RIMS2: variants seen among roughly 807,000 people sequenced by gnomAD.
RIMS2 encodes regulating synaptic membrane exocytosis 2.
In RIMS2, 59 loss-of-function variants were observed where a neutral mutation model predicts 174.4. The ratio of observed to expected loss-of-function variants is 0.34; its 90% CI spans 0.27 to 0.42. The LOEUF (loss-of-function observed/expected upper bound fraction) is 0.42. Ranked by LOEUF, RIMS2 falls within the 10% of genes least tolerant of loss-of-function variation. The probability of loss-of-function intolerance (pLI) is 1.00; values close to 1 mark genes in which losing one functional copy is unlikely to be tolerated. For missense variants in RIMS2, 1,620 were observed against 1,666.3 expected (o/e 0.97, Z 0.48); for synonymous variants, 606 against 572.5 (o/e 1.06, Z -0.84).
chr8:103,522,877 A>G (rs1252903224), intron 1 of RIMS2, among the ~76,000 whole-genome samples: 1 of 152,134 alleles, frequency 6.6e-6, no homozygotes, highest in Non-Finnish European at 1.5e-5. Context: ...TGAGTTTAGC[A>G]CAGTGCCTGA....
At chr8:103,901,812 T>A (rs1320969396) in intron 4 of RIMS2, among the ~76,000 whole-genome samples, 1 of 152,234 alleles carries the variant, frequency 6.6e-6, no homozygotes, top group Non-Finnish European at 1.5e-5. Flanking sequence ...CCAGCCATGC[T>A]TTTGTATTGG....
Position 103,534,610 on chromosome 8 carries a change from AC to A in RIMS2, c.176+33549del, listed in dbSNP as rs1372747921. Among the ~76,000 whole-genome samples the A allele has an allele frequency of 4.9e-5, 7 of 142,592 alleles. No homozygotes were observed. In the East Asian group the frequency reaches 1.2e-3, roughly 24 times the overall value. 93.5% of individuals were successfully genotyped at this position (142,592 alleles called of 152,430 possible). On this transcript the variant is annotated intron_variant, in intron 1 of 23. Transcript: ENST00000504942. ...CAAAAATATATTACTAAAATGAAAT[AC>A]ATAAAATCATATTACAGATCAGCAT...
intron 3 of RIMS2, among the ~76,000 whole-genome samples, chr8:103,811,041 C>T (rs1362869124): frequency 6.6e-6 from 1 of 152,130 alleles, no homozygotes; most frequent in East Asian, 1.9e-4. Context: ...GCAGAGGTGA[C>T]TTGCAGAGGC....
chr8:104,080,983 G>A (rs1478576028), intron 19 of RIMS2, among the ~76,000 whole-genome samples: 4 of 151,916 alleles, frequency 2.6e-5, no homozygotes, highest in African/African-American at 9.7e-5. Context: ...CTAGCACATG[G>A]GAATGTCCAT....
chr8:103,877,331 G>T (rs774559436), intron 3 of RIMS2, among the ~76,000 whole-genome samples: 2 of 151,738 alleles, frequency 1.3e-5, no homozygotes, highest in African/African-American at 4.8e-5. Context: ...ATGTCTGTTG[G>T]CCATTTGTAT....
At chr8:104,152,854 TAA>T (rs2098698307) in intron 19 of RIMS2, among the ~76,000 whole-genome samples, 1 of 152,136 alleles carries the variant, frequency 6.6e-6, no homozygotes, top group African/African-American at 2.4e-5. Flanking sequence ...GTAATTAAGT[TAA>T]AGAGTCATCA....
At chr8:103,873,901 A>C (rs979663893) in intron 3 of RIMS2, among the ~76,000 whole-genome samples, 1 of 152,062 alleles carries the variant, frequency 6.6e-6, no homozygotes, top group Non-Finnish European at 1.5e-5. Context: ...TCTATGTCAC[A>C]GATTCTATGT....
intron 19 of RIMS2, among the ~76,000 whole-genome samples, chr8:104,077,231 G>A (rs144248079): frequency 2.6e-5 from 4 of 150,988 alleles, no homozygotes; most frequent in Admixed American, 6.6e-5. Context: ...GGTTGTGGTC[G>A]TGGTGGTGGT....
intron 3 of RIMS2, among the ~76,000 whole-genome samples, chr8:103,858,732 T>TAC (rs71881969): frequency 0.026 from 3,723 of 145,270 alleles, 125 homozygotes; most frequent in African/African-American, 0.08. Context: ...TACATACCTA[T>TAC]ACACACACAC....
chr8:103,938,016 T>C (rs754246995), intron 13 of RIMS2, among the ~76,000 whole-genome samples: 4 of 151,866 alleles, frequency 2.6e-5, no homozygotes, highest in African/African-American at 9.7e-5. Context: ...GCCCAGCTAA[T>C]TTTGTTTTTT....
intron 1 of RIMS2, among the ~76,000 whole-genome samples, chr8:103,563,031 C>A (rs1044408866): frequency 4.6e-5 from 7 of 152,140 alleles, no homozygotes; most frequent in African/African-American, 1.7e-4. Context: ...GGACCAAGGG[C>A]CTGGCCCACA....
chr8:104,173,008 A>C (rs1469508167), intron 19 of RIMS2, among the ~76,000 whole-genome samples: 1 of 152,154 alleles, frequency 6.6e-6, no homozygotes, highest in Non-Finnish European at 1.5e-5. Flanking sequence ...TTTTCCACTA[A>C]AATAGCCTTG....
At chr8:103,885,237 A>G (rs1171833617) in intron 3 of RIMS2, 61 bp from the exon 7 acceptor site, 11 of 1,478,304 alleles carry the variant, frequency 7.4e-6, no homozygotes, top group South Asian at 4.3e-5. Context: ...CAGCAAATCA[A>G]TGAAATGTAA....
intron 19 of RIMS2, among the ~76,000 whole-genome samples, chr8:104,191,028 A>G (rs553116734): frequency 6.6e-6 from 1 of 151,904 alleles, no homozygotes; most frequent in African/African-American, 2.4e-5. Context: ...ATATGTGGTC[A>G]TTTCATAAGA....
chr8:104,118,225 A>C (rs1375723945), intron 19 of RIMS2, among the ~76,000 whole-genome samples: 1 of 152,108 alleles, frequency 6.6e-6, no homozygotes, highest in Admixed American at 6.6e-5. Context: ...AGATATTCTT[A>C]TTACATAAAG....
intron 1 of RIMS2, among the ~76,000 whole-genome samples, chr8:103,558,203 G>C (rs771068119): frequency 5.3e-5 from 8 of 151,948 alleles, no homozygotes; most frequent in Non-Finnish European, 8.8e-5. Flanking sequence ...GGAAAAAAAA[G>C]AAACCTTGTA....
chr8:103,783,598 C>T (rs987167368), intron 3 of RIMS2, among the ~76,000 whole-genome samples: 21 of 152,102 alleles, frequency 1.4e-4, no homozygotes, highest in African/African-American at 3.9e-4. Context: ...GACATGAACT[C>T]ATCATTTTTT....
intron 15 of RIMS2, among the ~76,000 whole-genome samples, chr8:103,964,706 A>G (rs574487439): frequency 1.1e-4 from 16 of 152,174 alleles, no homozygotes; most frequent in Admixed American, 4.6e-4. Context: ...TTCATCAATC[A>G]TGCCTATGGT....
intron 3 of RIMS2, among the ~76,000 whole-genome samples, chr8:103,832,283 A>G (rs113979237): frequency 5.3e-5 from 8 of 152,132 alleles, no homozygotes; most frequent in African/African-American, 1.9e-4. Flanking sequence ...AATTATTGAT[A>G]TATTTGAATT....
Sources: gnomAD v4.1 joint callset for allele counts (sites outside exome capture counted in the v4.1 genomes callset) on GRCh38, gnomAD v4.1.1 for gene constraint, MANE v1.5 for transcripts, NCBI Gene and HGNC (gene_info 2026-07-23, HGNC 2026-07-21) for gene names.